Variants in EHD4 observed in about 807,000 individuals in gnomAD.
EHD4 encodes the protein EH domain containing 4.
Under a neutral mutation model 51.0 loss-of-function variants are expected in EHD4, and 37 were observed. That is an observed-to-expected ratio of 0.73 (90% CI 0.56 to 0.95). The LOEUF (loss-of-function observed/expected upper bound fraction) is 0.95. EHD4 is among the 40% of genes least tolerant of loss of function. EHD4 has a pLI of 0.00. For missense variants in EHD4, 632 were observed against 733.1 expected (o/e 0.86, Z 1.59); for synonymous variants, 297 against 317.3 (o/e 0.94, Z 0.68).
chr15:41,895,987 G>A lies in EHD4; in HGVS notation c.*4658C>T, dbSNP rs969078232. ...TTTATTTATATTTAATTCTTTTTTA[G>A]AGACAGGGTCTTCTTAGGTTGCCCA... is the stretch of plus-strand genomic sequence containing the variant. On this transcript the variant is annotated 3_prime_UTR_variant, in exon 6 of 6. Transcript: ENST00000220325. 2.0e-5 allele frequency: 3 copies of A among 152,016 alleles called. No individual in the cohort carries two copies. The highest frequency in any genetic ancestry group is 7.3e-5 in the African/African-American group (3 of 41,376). 9.4% of individuals were successfully genotyped at this position (152,016 alleles called of 1,614,324 possible).
intron 5 of EHD4, among the ~76,000 whole-genome samples, chr15:41,905,206 CA>C: frequency 6.6e-6 from 1 of 152,204 alleles, no homozygotes; most frequent in Admixed American, 6.5e-5. Flanking sequence ...AGCTAGCTTG[CA>C]GTATCAGGTG....
intron 1 of EHD4, 61 bp from the exon 2 acceptor site, chr15:41,954,001 G>A (rs2067870261): frequency 6.4e-7 from 1 of 1,572,906 alleles, no homozygotes. Flanking sequence ...AGGCCAGAAA[G>A]CTGCCTGGGA....
intron 3 of EHD4, among the ~76,000 whole-genome samples, chr15:41,922,175 G>C (rs1199381028): frequency 6.6e-6 from 1 of 152,116 alleles, no homozygotes; most frequent in Non-Finnish European, 1.5e-5. Context: ...GATTGTTTGA[G>C]GCTAGGAGTT....
chr15:41,970,440 C>G (rs1010440340), intron 1 of EHD4, among the ~76,000 whole-genome samples: 2 of 152,192 alleles, frequency 1.3e-5, no homozygotes, highest in Non-Finnish European at 2.9e-5. Context: ...ATCTCAGAAC[C>G]CTTCATAAAA....
chr15:41,971,076 A>T (rs1015967436), intron 1 of EHD4, among the ~76,000 whole-genome samples: 1 of 152,240 alleles, frequency 6.6e-6, no homozygotes, highest in South Asian at 2.1e-4. Context: ...AATACACAGT[A>T]TATTTGTTTT....
chr15:41,941,144 G>A (rs1297862818), intron 3 of EHD4, among the ~76,000 whole-genome samples: 7 of 152,104 alleles, frequency 4.6e-5, no homozygotes, highest in Non-Finnish European at 8.8e-5. Context: ...GCACTGAGGT[G>A]TAAAGACACA....
At chr15:41,965,702 G>A (rs540025792) in intron 1 of EHD4, among the ~76,000 whole-genome samples, 1 of 152,284 alleles carries the variant, frequency 6.6e-6, no homozygotes, top group Non-Finnish European at 1.5e-5. Context: ...AAGGAACCAC[G>A]GCCTTCTGGT....
chr15:41,919,750 T>C, intron 3 of EHD4, 128 bp from the exon 4 acceptor site: 1 of 883,588 alleles, frequency 1.1e-6, no homozygotes, highest in Non-Finnish European at 1.5e-6. Flanking sequence ...CTGGAGGCAG[T>C]GGAGGCCTGG....
chr15:41,956,637 C>G (rs1014575984), intron 1 of EHD4, among the ~76,000 whole-genome samples: 1 of 152,188 alleles, frequency 6.6e-6, no homozygotes, highest in East Asian at 1.9e-4. Flanking sequence ...CTGGACAGAC[C>G]TTTAACAATA....
At chr15:41,947,222 C>A (rs367543462) in intron 2 of EHD4, among the ~76,000 whole-genome samples, 1 of 152,184 alleles carries the variant, frequency 6.6e-6, no homozygotes, top group Non-Finnish European at 1.5e-5. Context: ...AGGGCAACAT[C>A]CTAAAACAAA....
At chr15:41,915,591 C>T (rs753986806) in intron 4 of EHD4, among the ~76,000 whole-genome samples, 5 of 152,170 alleles carry the variant, frequency 3.3e-5, no homozygotes, top group Non-Finnish European at 7.4e-5. Flanking sequence ...TATTCTTGGG[C>T]AATACGCTTC....
At chr15:41,950,041 A>C (rs969220384) in intron 2 of EHD4, among the ~76,000 whole-genome samples, 1 of 152,240 alleles carries the variant, frequency 6.6e-6, no homozygotes. Flanking sequence ...TGAGCACAGC[A>C]GTCTGCTAGA....
chr15:41,948,473 T>C lies in EHD4; in HGVS notation c.413+5291A>G, dbSNP rs2067830265. Among the ~76,000 whole-genome samples the C allele has an allele frequency of 2.6e-5, 4 of 152,076 alleles. 1 individual carries two copies. In the South Asian group the frequency reaches 8.3e-4, roughly 32 times the overall value. Reference sequence around the variant, plus strand: ...GTGGCTGGCCAACAAATCTTGAGGTTAAAGAATAATGGGGAAAGCTTCAGC... The same window carrying C: ...GTGGCTGGCCAACAAATCTTGAGGTCAAAGAATAATGGGGAAAGCTTCAGC... On this transcript the variant is annotated intron_variant, in intron 2 of 5. Coordinates refer to ENST00000220325, the MANE Select transcript of EHD4 (RefSeq NM_139265.4).
At chr15:41,961,025 T>C (rs2067921102) in intron 1 of EHD4, among the ~76,000 whole-genome samples, 1 of 152,204 alleles carries the variant, frequency 6.6e-6, no homozygotes, top group Non-Finnish European at 1.5e-5. Context: ...TTCCTTTAGT[T>C]AAATCATTGA....
At chr15:41,931,270 G>C (rs2067696446) in intron 3 of EHD4, among the ~76,000 whole-genome samples, 1 of 152,202 alleles carries the variant, frequency 6.6e-6, no homozygotes, top group African/African-American at 2.4e-5. Flanking sequence ...CCACCACTTT[G>C]GGAGGCTGAG....
chr15:41,958,159 A>G (rs1221468071), intron 1 of EHD4, among the ~76,000 whole-genome samples: 2 of 152,050 alleles, frequency 1.3e-5, no homozygotes, highest in East Asian at 3.8e-4. Flanking sequence ...AGAGCTGATT[A>G]GCCCCTCCAC....
At chr15:41,932,828 C>G (rs2067707564) in intron 3 of EHD4, among the ~76,000 whole-genome samples, 1 of 152,184 alleles carries the variant, frequency 6.6e-6, no homozygotes, top group Admixed American at 6.5e-5. Context: ...GAGCAAGGCC[C>G]TTGTCTGAGT....
chr15:41,901,832 A>C (rs2067479845), intron 5 of EHD4, among the ~76,000 whole-genome samples: 1 of 152,322 alleles, frequency 6.6e-6, no homozygotes, highest in Middle Eastern at 3.4e-3. Flanking sequence ...AGCCCCACCA[A>C]GTACGGCCTG....
At chr15:41,911,657 T>C (rs2140985308) in intron 4 of EHD4, among the ~76,000 whole-genome samples, 1 of 152,288 alleles carries the variant, frequency 6.6e-6, no homozygotes, top group Admixed American at 6.5e-5. Flanking sequence ...TACCTATGTA[T>C]ACCTCTCTCT....
Sources: allele counts gnomAD v4.1 joint callset (sites outside exome capture counted in the v4.1 genomes callset), GRCh38; gene constraint gnomAD v4.1.1; transcripts MANE v1.5; gene names NCBI Gene and HGNC (gene_info 2026-07-23, HGNC 2026-07-21).